The following ARHGAP23 variants were observed in gnomAD, a reference collection of about 807,000 sequenced individuals.
ARHGAP23 encodes Rho GTPase activating protein 23, also known as rho GTPase-activating protein 23.
In ARHGAP23, 34 loss-of-function variants were observed where a neutral mutation model predicts 136.3. The observed-to-expected ratio is 0.25, with a 90% CI of 0.19 to 0.33. ARHGAP23 has a LOEUF of 0.33. Ranked by LOEUF, ARHGAP23 falls within the 10% of genes least tolerant of loss-of-function variation. The pLI, the probability that ARHGAP23 is intolerant of heterozygous loss-of-function variation, is 1.00. For synonymous variants in ARHGAP23, 832 were observed against 920.5 expected (o/e 0.90, Z 1.74); for missense variants, 1,808 against 2,139.0 (o/e 0.85, Z 3.05).
chr17:38,452,651 G>A (rs1412046293), intron 1 of ARHGAP23, among the ~76,000 whole-genome samples: 4 of 152,188 alleles, frequency 2.6e-5, no homozygotes, highest in Non-Finnish European at 5.9e-5. Context: ...AAATGGCCCC[G>A]GGCCACAGTA....
chr17:38,507,883 G>A (rs570261816), intron 23 of ARHGAP23, among the ~76,000 whole-genome samples: 3 of 152,342 alleles, frequency 2.0e-5, no homozygotes, highest in East Asian at 3.9e-4. Flanking sequence ...AGAGGCATCT[G>A]GGTCTCCATT....
At chr17:38,438,321 CAAAAAAAA>C (rs34412310) in intron 1 of ARHGAP23, among the ~76,000 whole-genome samples, 14 of 115,954 alleles carry the variant, frequency 1.2e-4, no homozygotes, top group South Asian at 1.1e-3. Context: ...GACTCCGTCT[CAAAAAAAA>C]AAAAAAAAAA....
At position 38,510,032 on chromosome 17, in the gene ARHGAP23, G is replaced by A. The variant is rs921383158; in HGVS notation, c.3536G>A (p.Arg1179Gln). ...GCCGTCAACCGCAAGCGCAAGAAGC[G>A]GCGGGAGGCGCGGGGGCTGGGCAGC... Reference protein sequence around the residue: ...ISAVNRKRKKRREARGLGSST... With the variant: ...ISAVNRKRKKQREARGLGSST... Residue 1179 changes from arginine to glutamine, a missense_variant, in exon 24 of 24, where the codon CGG (arginine) becomes CAG (glutamine). By Grantham distance (43) the Arg-to-Gln change is conservative. Coordinates refer to ENST00000622683, the MANE Select transcript of ARHGAP23 (RefSeq NM_001199417.2). This position sits in a 1 kb window ranked among gnomAD's most constrained non-coding sequence, Gnocchi z 4.6. 5 of 1,245,018 alleles carry A rather than the reference G, an allele frequency of 4.0e-6. No homozygotes were observed. The highest frequency in any genetic ancestry group is 4.0e-6 in the Non-Finnish European group (4 of 994,750). The allele number at this position is 1,245,018 out of a possible 1,614,324, so 77.1% of individuals were successfully genotyped here.
chr17:38,500,866 G>A, intron 23 of ARHGAP23: 1 of 563,954 alleles, frequency 1.8e-6, no homozygotes, highest in South Asian at 2.4e-5. Flanking sequence ...GTGGCTAGGA[G>A]GCAATGTCAC....
chr17:38,495,324 T>C (rs1425897010), intron 20 of ARHGAP23, among the ~76,000 whole-genome samples: 1 of 151,098 alleles, frequency 6.6e-6, no homozygotes, highest in Non-Finnish European at 1.5e-5. Flanking sequence ...CTCCAGCTCC[T>C]GGGCTCAAGT....
chr17:38,426,571 A>AAAAAAAAAAAAAAAAAAAAAAAAAC (rs1458643674), upstream of ARHGAP23, among the ~76,000 whole-genome samples: 1 of 150,726 alleles, frequency 6.6e-6, no homozygotes, highest in Non-Finnish European at 1.5e-5. Context: ...AAAAAAAAAA[A>AAAAAAAAAAAAAAAAAAAAAAAAAC]ATCCAGGCAG....
intron 23 of ARHGAP23, chr17:38,501,047 A>C (rs2040507166): frequency 1.2e-5 from 2 of 167,932 alleles, no homozygotes; most frequent in Non-Finnish European, 2.5e-5. Context: ...TATAATAAAT[A>C]AAACAGATAT....
At chr17:38,460,988 T>TCTC in intron 3 of ARHGAP23, 56 bp downstream of exon 3, 1 of 1,528,896 alleles carries the variant, frequency 6.5e-7, no homozygotes, top group Non-Finnish European at 8.8e-7. Context: ...CCAGCTCCTG[T>TCTC]CTCTCCCTGT....
At chr17:38,435,603 TTTG>T (rs1175605654) in intron 1 of ARHGAP23, among the ~76,000 whole-genome samples, 2 of 152,174 alleles carry the variant, frequency 1.3e-5, no homozygotes, top group Non-Finnish European at 2.9e-5. Flanking sequence ...GGGAAAATTT[TTTG>T]TTGTTGTTGT....
At chr17:38,435,713 C>T (rs1182799992) in intron 1 of ARHGAP23, among the ~76,000 whole-genome samples, 4 of 152,210 alleles carry the variant, frequency 2.6e-5, no homozygotes, top group African/African-American at 9.6e-5. Context: ...ATTCTCCTGC[C>T]TCTGCCTCCC....
intron 17 of ARHGAP23, among the ~76,000 whole-genome samples, chr17:38,489,304 A>G (rs1316516100): frequency 1.3e-5 from 2 of 152,056 alleles, no homozygotes; most frequent in Admixed American, 1.3e-4. Context: ...TGCTTTTATA[A>G]TTTTCACAGT....
chr17:38,443,783 C>G (rs1031934398), intron 1 of ARHGAP23, among the ~76,000 whole-genome samples: 1 of 152,152 alleles, frequency 6.6e-6, no homozygotes, highest in Non-Finnish European at 1.5e-5. Context: ...CTGCTGAGAC[C>G]TGCCCTGGGA....
chr17:38,428,906 C>A (rs1419944250), intron 1 of ARHGAP23, among the ~76,000 whole-genome samples: 5 of 152,124 alleles, frequency 3.3e-5, no homozygotes, highest in Admixed American at 3.3e-4. Flanking sequence ...GGGGCGCCTG[C>A]CGCCGTTTCC....
At chr17:38,446,325 T>G (rs1487800889) in intron 1 of ARHGAP23, among the ~76,000 whole-genome samples, 1 of 151,820 alleles carries the variant, frequency 6.6e-6, no homozygotes, top group Non-Finnish European at 1.5e-5. Flanking sequence ...CCGCCTGGCC[T>G]TCACTTATTT....
chr17:38,479,569 C>T, intron 13 of ARHGAP23, 72 bp downstream of exon 13: 1 of 1,488,166 alleles, frequency 6.7e-7, no homozygotes, highest in Non-Finnish European at 9.2e-7. Context: ...GGATGTCTTC[C>T]TGGCCCACCT....
intron 7 of ARHGAP23, among the ~76,000 whole-genome samples, chr17:38,468,858 G>A (rs1469997347): frequency 1.3e-5 from 2 of 152,100 alleles, no homozygotes; most frequent in African/African-American, 2.4e-5. Flanking sequence ...GGGAGACACC[G>A]TCCCTGCCCT....
chr17:38,469,753 G>T, intron 9 of ARHGAP23, 94 bp from the exon 10 acceptor site: 15 of 1,511,850 alleles, frequency 9.9e-6, no homozygotes, highest in Non-Finnish European at 1.3e-5. Flanking sequence ...CTCCCCCGCT[G>T]GAAGGCTTCT....
At chr17:38,453,966 G>C (rs2039260588) in intron 1 of ARHGAP23, 2 of 146,422 alleles carry the variant, frequency 1.4e-5, no homozygotes, top group South Asian at 2.1e-4. Context: ...GGGAGCCCCC[G>C]CCGGCCGCGG....
intron 10 of ARHGAP23, 118 bp downstream of exon 10, chr17:38,470,022 C>T (rs1326650213): frequency 7.8e-7 from 1 of 1,277,220 alleles, no homozygotes; most frequent in African/African-American, 1.5e-5. Flanking sequence ...TGCCTTCCTC[C>T]TCCTCCCTGC....
Sources: allele counts gnomAD v4.1 joint callset (sites outside exome capture counted in the v4.1 genomes callset), GRCh38; gene constraint gnomAD v4.1.1; non-coding constraint Gnocchi (gnomAD v3.1); transcripts MANE v1.5; gene names NCBI Gene and HGNC (gene_info 2026-07-23, HGNC 2026-07-21).